SHTN1: variants seen among roughly 807,000 people sequenced by gnomAD.
SHTN1 encodes the protein shootin-1.
In SHTN1, 42 loss-of-function variants were observed where a neutral mutation model predicts 83.1. The observed-to-expected ratio is 0.51, with a 90% CI of 0.39 to 0.65. The LOEUF (loss-of-function observed/expected upper bound fraction) is 0.65. Among genes scored for constraint, SHTN1 ranks in the 30% least tolerant of loss-of-function variants. The pLI, the probability that SHTN1 is intolerant of heterozygous loss-of-function variation, is 0.00. For synonymous variants in SHTN1, 224 were observed against 247.7 expected (o/e 0.90, Z 0.90); for missense variants, 622 against 737.8 (o/e 0.84, Z 1.82).
Position 116,930,592 on chromosome 10 carries a change from G to C in SHTN1, c.859-590C>G, listed in dbSNP as rs117740487. 1.5e-4 allele frequency among the ~76,000 whole-genome samples: 23 copies of C among 152,250 alleles called. No individual in the cohort carries two copies. The East Asian group carries it at 4.4e-3, about 29-fold the overall frequency. On this transcript the variant is annotated intron_variant, in intron 9 of 16. Coordinates refer to ENST00000355371, the MANE Select transcript of SHTN1 (RefSeq NM_001127211.3). Reference sequence around the variant, plus strand: ...TTTTTATGGCTACACCGTATTCCATGGTGTAATATGTACCAGATTTTCTTT... The same window carrying C: ...TTTTTATGGCTACACCGTATTCCATCGTGTAATATGTACCAGATTTTCTTT...
intron 16 of SHTN1, among the ~76,000 whole-genome samples, chr10:116,896,978 T>C (rs1228792886): frequency 6.6e-6 from 1 of 152,166 alleles, no homozygotes; most frequent in East Asian, 1.9e-4. Context: ...AACTAATTTT[T>C]GTATTTTTAG....
chr10:117,073,985 T>C (rs1564950083), intron 1 of SHTN1, among the ~76,000 whole-genome samples: 1 of 152,150 alleles, frequency 6.6e-6, no homozygotes, highest in Non-Finnish European at 1.5e-5. Flanking sequence ...TGAGACTTTT[T>C]TGAATGGGGC....
chr10:117,112,464 T>C (rs561183470), intron 1 of SHTN1, among the ~76,000 whole-genome samples: 2 of 152,348 alleles, frequency 1.3e-5, no homozygotes, highest in South Asian at 4.1e-4. Context: ...AGCATGATAC[T>C]GGAATGTTAT....
intron 1 of SHTN1, among the ~76,000 whole-genome samples, chr10:116,994,094 T>C (rs919288656): frequency 2.3e-4 from 35 of 152,082 alleles, no homozygotes; most frequent in Non-Finnish European, 7.4e-5. Flanking sequence ...AATTAATATA[T>C]GTAATTAAGG....
intron 1 of SHTN1, among the ~76,000 whole-genome samples, chr10:116,986,572 G>A (rs1319798921): frequency 6.6e-6 from 1 of 151,962 alleles, no homozygotes; most frequent in African/African-American, 2.4e-5. Flanking sequence ...CTACTACTCT[G>A]GCAGGTGGCA....
chr10:116,911,983 C>T, intron 13 of SHTN1, 140 bp from the exon 14 acceptor site: 1 of 659,778 alleles, frequency 1.5e-6, no homozygotes, highest in Non-Finnish European at 2.6e-6. Flanking sequence ...AGGACTATGT[C>T]TTAAGGTTAG....
At chr10:116,949,332 G>A (rs940424178) in intron 6 of SHTN1, among the ~76,000 whole-genome samples, 1 of 151,918 alleles carries the variant, frequency 6.6e-6, no homozygotes, top group Non-Finnish European at 1.5e-5. Context: ...GGTCTCCTAT[G>A]TTGCCGAGGC....
rs1847118877 is a variant in SHTN1, at chr10:116,884,947, CA to C, written c.*1396del. Reference sequence around the variant, plus strand: ...GTTAAAGAAAGATACAGTTGAAAAACATTACGTTTTAATTCTCCATGAGTAA... The same window carrying C: ...GTTAAAGAAAGATACAGTTGAAAAACTTACGTTTTAATTCTCCATGAGTAA... On this transcript the variant is annotated 3_prime_UTR_variant, in exon 17 of 17. Transcript: ENST00000355371. 1 of 152,188 alleles carries C rather than the reference CA, an allele frequency of 6.6e-6. No homozygotes were observed. The highest frequency in any genetic ancestry group is 1.5e-5 in the Non-Finnish European group (1 of 68,032). The allele number at this position is 152,188 out of a possible 1,614,324, so 9.4% of individuals were successfully genotyped here.
At chr10:117,015,613 G>A (rs1189294682) in intron 2 of SHTN1, among the ~76,000 whole-genome samples, 2 of 152,154 alleles carry the variant, frequency 1.3e-5, no homozygotes, top group African/African-American at 2.4e-5. Flanking sequence ...TTACAGGCGT[G>A]AGCCACCGTG....
At chr10:116,990,359 T>C (rs1049413136) in intron 1 of SHTN1, among the ~76,000 whole-genome samples, 1 of 151,406 alleles carries the variant, frequency 6.6e-6, no homozygotes, top group African/African-American at 2.4e-5. Flanking sequence ...TCCACCTTGT[T>C]GTATGTTTTG....
chr10:116,951,722 G>T (rs1462034594), intron 6 of SHTN1, among the ~76,000 whole-genome samples, 187 bp downstream of exon 6: 2 of 152,188 alleles, frequency 1.3e-5, no homozygotes, highest in Non-Finnish European at 2.9e-5. Context: ...TAGCTAGTGG[G>T]TACATGAATC....
rs773435011 is a variant in SHTN1, at chr10:116,944,877, G to A, written c.711+47C>T. ...CTGCACTCCAGCCTGGTGACAGAGCGAGACTCTGTCTCAAGAAAAAAAATA... is the reference window on the plus strand; with the variant it reads ...CTGCACTCCAGCCTGGTGACAGAGCAAGACTCTGTCTCAAGAAAAAAAATA... On this transcript the variant is annotated intron_variant, in intron 8 of 16. Coordinates refer to ENST00000355371, the MANE Select transcript of SHTN1 (RefSeq NM_001127211.3). The A allele has an allele frequency of 3.1e-5, 38 of 1,214,602 alleles. 1 individual carries two copies. The highest frequency in any genetic ancestry group is 1.7e-4 in the South Asian group (14 of 82,856). 75.2% of individuals were successfully genotyped at this position (1,214,602 alleles called of 1,614,324 possible).
At chr10:116,921,356 C>T (rs965378634) in intron 12 of SHTN1, 78 bp downstream of exon 12, 5 of 1,017,850 alleles carry the variant, frequency 4.9e-6, no homozygotes, top group African/African-American at 4.8e-5. Context: ...TGTTTATAGT[C>T]AAAGAACTTA....
chr10:117,015,731 C>T (rs558613196), intron 2 of SHTN1, among the ~76,000 whole-genome samples: 2 of 152,296 alleles, frequency 1.3e-5, no homozygotes, highest in East Asian at 1.9e-4. Context: ...ATATACAGTG[C>T]TTTCTTTCTG....
At chr10:116,988,872 G>C (rs937096057) in intron 1 of SHTN1, among the ~76,000 whole-genome samples, 2 of 152,140 alleles carry the variant, frequency 1.3e-5, no homozygotes, top group African/African-American at 4.8e-5. Context: ...AAAATGCTAA[G>C]CAGGCATGGT....
intron 2 of SHTN1, among the ~76,000 whole-genome samples, chr10:117,037,642 A>C (rs1852518490): frequency 1.3e-5 from 2 of 152,202 alleles, no homozygotes; most frequent in South Asian, 2.1e-4. Flanking sequence ...GACACTACCC[A>C]GCTTTAAAAC....
chr10:116,890,735 G>C (rs1157358154), intron 16 of SHTN1, among the ~76,000 whole-genome samples: 1 of 152,214 alleles, frequency 6.6e-6, no homozygotes, highest in Admixed American at 6.5e-5. Context: ...CCAAACGTGG[G>C]GCCTGAGCAG....
chr10:117,106,925 G>T (rs1032267587), intron 1 of SHTN1, among the ~76,000 whole-genome samples: 13 of 152,036 alleles, frequency 8.6e-5, no homozygotes, highest in Non-Finnish European at 1.8e-4. Flanking sequence ...AAAAATAAGG[G>T]TATCTATTTT....
chr10:117,098,432 T>A (rs1379243391), intron 1 of SHTN1, among the ~76,000 whole-genome samples: 2 of 149,810 alleles, frequency 1.3e-5, no homozygotes, highest in African/African-American at 4.9e-5. Flanking sequence ...TCCTGAAATT[T>A]GAAATGAGAT....
Sources: allele counts gnomAD v4.1 joint callset (sites outside exome capture counted in the v4.1 genomes callset), GRCh38; gene constraint gnomAD v4.1.1; transcripts MANE v1.5; gene names NCBI Gene and HGNC (gene_info 2026-07-23, HGNC 2026-07-21).